Variants in CDH23 observed in about 807,000 individuals in gnomAD.
The protein encoded by CDH23 is cadherin-23.
Under a neutral mutation model 317.1 loss-of-function variants are expected in CDH23, and 189 were observed. The ratio of observed to expected loss-of-function variants is 0.60; its 90% confidence interval spans 0.53 to 0.67. The LOEUF (loss-of-function observed/expected upper bound fraction) is 0.67, where lower values mean the gene tolerates loss of function less well. Among genes scored for constraint, CDH23 ranks in the 30% least tolerant of loss-of-function variants. The pLI, the probability that CDH23 is intolerant of heterozygous loss-of-function variation, is 0.00. For synonymous variants in CDH23, 1,839 were observed against 1,876.8 expected, an observed-to-expected ratio of 0.98 and a Z score of 0.52; for missense variants, 4,401 against 4,592.4, an observed-to-expected ratio of 0.96 and a Z score of 1.20.
intron 6 of CDH23, among the ~76,000 whole-genome samples, chr10:71,532,060 G>C (rs1490166633): frequency 6.6e-6 from 1 of 152,160 alleles, no homozygotes; most frequent in Non-Finnish European, 1.5e-5. Context: ...CAGAGCAAAA[G>C]GTAGGAAAAG....
At chr10:71,629,502 A>G (rs1029873512) in intron 11 of CDH23, among the ~76,000 whole-genome samples, 4 of 152,218 alleles carry the variant, frequency 2.6e-5, no homozygotes, top group Non-Finnish European at 4.4e-5. Flanking sequence ...TGGCTCTCAC[A>G]GGAATGAGAT....
chr10:71,805,072 A>T (rs947407289), intron 55 of CDH23, among the ~76,000 whole-genome samples: 4 of 152,256 alleles, frequency 2.6e-5, no homozygotes, highest in African/African-American at 9.6e-5. Flanking sequence ...TCCATGAGAT[A>T]AACAATGAAA....
intron 60 of CDH23, 56 bp downstream of exon 60, chr10:71,808,063 G>A (rs1841794069): frequency 5.2e-6 from 8 of 1,547,132 alleles, no homozygotes; most frequent in African/African-American, 1.4e-5. Context: ...GTCACTGCAT[G>A]GACTGTCATC....
At position 71,812,531 on chromosome 10, in the gene CDH23, C is replaced by T. The variant is rs377150991; in HGVS notation, c.9432C>T (p.Ala3144=). The change falls in exon 67 of 70, where the codon GCC becomes GCT. Residue 3144 remains alanine, a synonymous_variant. Transcript: ENST00000224721. ...DPFCRNLELA[A]QAEHEDDLPE... ...TCTGTCGGAACCTGGAGCTGGCCGC[C>T]CAGGCGGAGCATGAGGATGACCTAC... 6.2e-7 allele frequency: 1 copy of T among 1,613,844 alleles called. No homozygotes were observed. The highest frequency in any genetic ancestry group is 1.3e-5 in the African/African-American group (1 of 74,954).
intron 38 of CDH23, among the ~76,000 whole-genome samples, chr10:71,764,230 C>T (rs573783277): frequency 1.3e-5 from 2 of 152,264 alleles, no homozygotes; most frequent in South Asian, 4.1e-4. Flanking sequence ...ATGTGTTGTG[C>T]ACTACGCTAA....
intron 3 of CDH23, among the ~76,000 whole-genome samples, chr10:71,493,498 G>T (rs966450966): frequency 1.2e-4 from 19 of 152,258 alleles, no homozygotes; most frequent in African/African-American, 3.9e-4. Flanking sequence ...CATGCCTGAG[G>T]TAAGAACAGC....
At chr10:71,595,983 A>G (rs1271532495) in intron 9 of CDH23, among the ~76,000 whole-genome samples, 1 of 152,226 alleles carries the variant, frequency 6.6e-6, no homozygotes, top group South Asian at 2.1e-4. Flanking sequence ...ACTTTCCTCC[A>G]TGGTCCGTGT....
At chr10:71,661,345 T>C (rs1863642192) in intron 14 of CDH23, among the ~76,000 whole-genome samples, 1 of 152,176 alleles carries the variant, frequency 6.6e-6, no homozygotes, top group African/African-American at 2.4e-5. Flanking sequence ...AAGAGCCCTT[T>C]AGGCTTCCAC....
chr10:71,623,415 A>G (rs1336693731), intron 11 of CDH23, among the ~76,000 whole-genome samples: 1 of 152,204 alleles, frequency 6.6e-6, no homozygotes, highest in Non-Finnish European at 1.5e-5. Context: ...GCTCAAGAGG[A>G]TGGAGGTGTC....
At chr10:71,716,842 T>G (rs888802649) in intron 28 of CDH23, 2 of 153,764 alleles carry the variant, frequency 1.3e-5, no homozygotes, top group African/African-American at 4.8e-5. Flanking sequence ...AATGTAATTA[T>G]GAATATTTTC....
chr10:71,400,125 C>G (rs899808100), intron 1 of CDH23, among the ~76,000 whole-genome samples: 1 of 152,146 alleles, frequency 6.6e-6, no homozygotes, highest in South Asian at 2.1e-4. Flanking sequence ...TAAGGTGGTT[C>G]GAGGCCTCTA....
Position 71,802,912 on chromosome 10 carries a change from G to A in CDH23, c.7497G>A (p.Val2499=), listed in dbSNP as rs1401063097. 3 of 1,614,032 alleles carry A rather than the reference G, an allele frequency of 1.9e-6. No individual in the cohort carries two copies. The change falls in exon 54 of 70, where the codon GTG becomes GTA. Residue 2499 remains valine, a synonymous_variant. Coordinates refer to ENST00000224721, the MANE Select transcript of CDH23 (RefSeq NM_022124.6). ...RENSVQVVIQ[V]LDVNDCRPQF... Reference sequence around the variant, plus strand: ...CATCCACCCAGGTGGTGATCCAAGTGCTGGATGTCAATGACTGCCGGCCAC... The same window carrying A: ...CATCCACCCAGGTGGTGATCCAAGTACTGGATGTCAATGACTGCCGGCCAC...
chr10:71,501,584 A>T (rs1011247302), intron 3 of CDH23, among the ~76,000 whole-genome samples: 7 of 152,206 alleles, frequency 4.6e-5, no homozygotes, highest in African/African-American at 1.7e-4. Context: ...TAAGATGAAG[A>T]AAAGAGCTCC....
chr10:71,704,472 A>G (rs996591304), intron 24 of CDH23, among the ~76,000 whole-genome samples: 1 of 152,168 alleles, frequency 6.6e-6, no homozygotes, highest in African/African-American at 2.4e-5. Context: ...TGTTGTTACT[A>G]TCTCACAAAT....
At chr10:71,665,366 C>T (rs1160754202) in intron 14 of CDH23, among the ~76,000 whole-genome samples, 1 of 152,234 alleles carries the variant, frequency 6.6e-6, no homozygotes, top group East Asian at 1.9e-4. Flanking sequence ...GCCTTAACTG[C>T]CTCATCTCGG....
At chr10:71,787,588 T>C (rs1841140004) in intron 44 of CDH23, among the ~76,000 whole-genome samples, 1 of 152,228 alleles carries the variant, frequency 6.6e-6, no homozygotes, top group Non-Finnish European at 1.5e-5. Flanking sequence ...CCATTCTGTA[T>C]ATCCATGGTT....
chr10:71,404,757 G>A (rs565554090), intron 1 of CDH23, among the ~76,000 whole-genome samples: 25 of 152,368 alleles, frequency 1.6e-4, no homozygotes, highest in East Asian at 3.9e-4. Flanking sequence ...CCAATCAGCC[G>A]AAGAGGGTGG....
chr10:71,583,714 C>G (rs10823792), intron 9 of CDH23, among the ~76,000 whole-genome samples: 27,635 of 152,146 alleles, frequency 0.18, 3,111 homozygotes, highest in East Asian at 0.31. Context: ...CCCCGAGTGA[C>G]GGGAGGAGAA....
intron 18 of CDH23, 79 bp from the exon 19 acceptor site, chr10:71,687,568 C>G (rs1864957782): frequency 7.6e-7 from 1 of 1,320,356 alleles, no homozygotes; most frequent in Admixed American, 1.7e-5. Flanking sequence ...TAGCCTGACT[C>G]CTTGGTGCCC....
Sources: allele counts gnomAD v4.1 joint callset (sites outside exome capture counted in the v4.1 genomes callset), GRCh38; gene constraint gnomAD v4.1.1; transcripts MANE v1.5; gene names NCBI Gene and HGNC (gene_info 2026-07-23, HGNC 2026-07-21).